ATG13: variants seen among roughly 807,000 people sequenced by gnomAD.
ATG13 encodes autophagy related 13, also known as autophagy-related protein 13.
In ATG13, 23 loss-of-function variants were observed where a neutral mutation model predicts 65.5. The observed-to-expected ratio is 0.35, with a 90% CI of 0.25 to 0.50. The LOEUF is 0.50. ATG13 is among the 20% of genes least tolerant of loss of function. The pLI is 0.98. For missense variants in ATG13, 566 were observed against 677.0 expected (o/e 0.84, Z 1.82); for synonymous variants, 252 against 245.2 (o/e 1.03, Z -0.26).
intron 5 of ATG13, among the ~76,000 whole-genome samples, chr11:46,648,320 G>C (rs1334642966): frequency 6.6e-6 from 1 of 152,136 alleles, no homozygotes; most frequent in African/African-American, 2.4e-5. Flanking sequence ...GAGCCACCAT[G>C]CCTGGCCCAG....
In ATG13 at chr11:46,645,385, C is replaced by G; in HGVS notation, c.116C>G (p.Thr39Ser). ...GCTCGGCTTGGTGAAAAGATTTGCA[C>G]TCGTTCATCATCTTCTCCAACGGGT... ...VQARLGEKIC[T>S]RSSSSPTGSD... The change falls in exon 4 of 19, where the codon ACT (threonine) becomes AGT (serine). Residue 39 changes from threonine (T) to serine (S), a missense_variant. Around this residue, in one of 2 missense-constraint regions of ATG13, gnomAD observed 179 missense variants for 267.2 expected, o/e 0.67. Coordinates refer to ENST00000683050, the MANE Select transcript of ATG13 (RefSeq NM_001346311.2). 1 of 1,613,582 alleles carries G rather than the reference C, an allele frequency of 6.2e-7. No homozygotes were observed. Among genetic ancestry groups the G allele is most frequent in the Non-Finnish European group, 8.5e-7 (1 of 1,179,894 alleles).
intron 1 of ATG13, among the ~76,000 whole-genome samples, chr11:46,624,230 T>G (rs2048704523): frequency 6.6e-6 from 1 of 152,060 alleles, no homozygotes; most frequent in Non-Finnish European, 1.5e-5. Context: ...TCTCGAACTC[T>G]TGACCTCAAG....
chr11:46,663,883 T>A, intron 11 of ATG13, 114 bp from the exon 12 acceptor site: 1 of 726,956 alleles, frequency 1.4e-6, no homozygotes, highest in Admixed American at 2.7e-5. Context: ...CCAGTGTCAG[T>A]TCTGGCCTCT....
intron 1 of ATG13, among the ~76,000 whole-genome samples, chr11:46,621,774 A>G (rs1409759542): frequency 1.3e-5 from 2 of 151,986 alleles, no homozygotes; most frequent in African/African-American, 4.8e-5. Context: ...TTACCTACCT[A>G]TAAGGTTAAG....
intron 7 of ATG13, among the ~76,000 whole-genome samples, chr11:46,655,303 C>T (rs1159068595): frequency 6.6e-6 from 1 of 151,990 alleles, no homozygotes; most frequent in Non-Finnish European, 1.5e-5. Flanking sequence ...GAGGCTGAGG[C>T]AGGAGAATGG....
chr11:46,656,184 C>G (rs4474394), intron 7 of ATG13, 49 bp from the exon 8 acceptor site: 25,104 of 1,565,860 alleles, frequency 0.016, 1,340 homozygotes, highest in South Asian at 0.15. Flanking sequence ...TATAGAGGCC[C>G]TTAGGAGTAA....
chr11:46,649,033 T>C, intron 5 of ATG13, 104 bp from the exon 6 acceptor site: 2 of 621,114 alleles, frequency 3.2e-6, no homozygotes, highest in Non-Finnish European at 2.4e-6. Flanking sequence ...ATATCTATTC[T>C]TTTTTTTTTG....
chr11:46,671,035 A>G (rs1490538730), intron 18 of ATG13, among the ~76,000 whole-genome samples: 1 of 152,132 alleles, frequency 6.6e-6, no homozygotes, highest in Admixed American at 6.6e-5. Context: ...TAGCCTTTTA[A>G]CCACTAAACT....
In ATG13 at chr11:46,668,809, T is replaced by A; in HGVS notation, c.1345T>A (p.Ser449Thr). 6.2e-7 allele frequency: 1 copy of A among 1,613,566 alleles called. No homozygotes were observed. The highest frequency in any genetic ancestry group is 8.5e-7 in the Non-Finnish European group (1 of 1,179,892). Residue 449 changes from serine (S) to threonine (T), a missense_variant, in exon 17 of 19, where the codon TCC becomes ACC. This residue lies in a region of ATG13 where 387 missense variants were observed against 409.8 expected (regional missense o/e 0.94). Transcript: ENST00000683050. The part of the protein sequence containing the change: ...DTDPMVNPPD[S>T]PETESPLQGS... ...TATGAAACAGGTGAATCCTCCAGAT[T>A]CCCCAGAGACTGAATCTCCTCTCCA...
intron 5 of ATG13, among the ~76,000 whole-genome samples, chr11:46,648,326 C>G (rs758315578): frequency 2.2e-4 from 33 of 152,082 alleles, no homozygotes; most frequent in Non-Finnish European, 2.1e-4. Context: ...CCATGCCTGG[C>G]CCAGCAATTG....
chr11:46,643,047 T>G (rs2056546885), intron 2 of ATG13, among the ~76,000 whole-genome samples: 1 of 152,194 alleles, frequency 6.6e-6, no homozygotes, highest in Non-Finnish European at 1.5e-5. Context: ...CAGGTCTGTT[T>G]ATGCAAAGGA....
chr11:46,645,240 A>T, intron 3 of ATG13, 99 bp from the exon 4 acceptor site: 1 of 977,272 alleles, frequency 1.0e-6, no homozygotes, highest in Non-Finnish European at 1.5e-6. Context: ...GGCATCTTTT[A>T]AACTCTGTAT....
rs150616492 is a variant in ATG13, at chr11:46,672,356, A to AC, written c.*29dup. On this transcript the variant is annotated 3_prime_UTR_variant, in exon 19 of 19. Transcript: ENST00000683050. Reference sequence around the variant, plus strand: ...AAAAGTATCCTTGAGTCCCAGCAGCACCCCCTTTTTGTGGCCCCAGGGCAT... The same window carrying AC: ...AAAAGTATCCTTGAGTCCCAGCAGCACCCCCCTTTTTGTGGCCCCAGGGCAT... 1 of 1,614,020 alleles carries AC rather than the reference A, an allele frequency of 6.2e-7. No individual in the cohort carries two copies. The highest frequency in any genetic ancestry group is 8.5e-7 in the Non-Finnish European group (1 of 1,179,940).
chr11:46,644,231 T>C (rs1211875206), intron 2 of ATG13, 48 bp from the exon 3 acceptor site: 2 of 1,339,598 alleles, frequency 1.5e-6, no homozygotes, highest in Non-Finnish European at 2.1e-6. Flanking sequence ...GATGTATCAA[T>C]GCCTTTTTAA....
intron 2 of ATG13, among the ~76,000 whole-genome samples, chr11:46,633,914 C>T (rs1373889488): frequency 6.6e-6 from 1 of 152,116 alleles, no homozygotes; most frequent in Non-Finnish European, 1.5e-5. Flanking sequence ...TTCATTAAGA[C>T]CACAAATAAA....
intron 11 of ATG13, among the ~76,000 whole-genome samples, chr11:46,660,498 C>G (rs536626788): frequency 6.6e-6 from 1 of 151,400 alleles, no homozygotes; most frequent in Admixed American, 6.6e-5. Context: ...CAACCTCTGC[C>G]TCCCGGGTTC....
At chr11:46,662,403 A>G (rs1376079269) in intron 11 of ATG13, among the ~76,000 whole-genome samples, 4 of 152,236 alleles carry the variant, frequency 2.6e-5, no homozygotes, top group Non-Finnish European at 5.9e-5. Context: ...CCCTGATACA[A>G]TGGAAAGTTG....
At chr11:46,670,663 C>A (rs1359133245) in intron 18 of ATG13, among the ~76,000 whole-genome samples, 1 of 151,824 alleles carries the variant, frequency 6.6e-6, no homozygotes, top group Non-Finnish European at 1.5e-5. Context: ...AAAAAATTAG[C>A]TGGGCGTGGT....
At chr11:46,620,949 T>G (rs1159862515) in intron 1 of ATG13, 4 of 152,222 alleles carry the variant, frequency 2.6e-5, no homozygotes, top group Non-Finnish European at 4.4e-5. Context: ...TGGAAAATGC[T>G]GCTTTCACTT....
Sources: allele counts gnomAD v4.1 joint callset (sites outside exome capture counted in the v4.1 genomes callset), GRCh38; gene constraint gnomAD v4.1.1; regional missense constraint gnomAD v4.1.1; transcripts MANE v1.5; gene names NCBI Gene and HGNC (gene_info 2026-07-23, HGNC 2026-07-21).